Variants in ALPK1 observed in about 807,000 individuals in gnomAD.
ALPK1 encodes the protein alpha kinase 1, also known as alpha-protein kinase 1.
A neutral mutation model predicts 120.6 loss-of-function variants in ALPK1; 110 were observed. That is an observed-to-expected ratio of 0.91 (90% CI 0.78 to 1.07). The LOEUF is 1.07. ALPK1 is among the 50% of genes least tolerant of loss of function. The pLI, the probability that ALPK1 is intolerant of heterozygous loss-of-function variation, is 0.00. For missense variants in ALPK1, 1,498 were observed against 1,483.9 expected, an observed-to-expected ratio of 1.01 and a Z score of -0.16; for synonymous variants, 582 against 560.3, an observed-to-expected ratio of 1.04 and a Z score of -0.55.
intron 10 of ALPK1, among the ~76,000 whole-genome samples, chr4:112,430,113 G>T (rs776601409): frequency 2.0e-5 from 3 of 152,094 alleles, no homozygotes; most frequent in Non-Finnish European, 2.9e-5. Context: ...CATTTCCATG[G>T]ATAGACTCTG....
chr4:112,367,925 G>A (rs555024913), intron 2 of ALPK1, among the ~76,000 whole-genome samples: 95 of 151,644 alleles, frequency 6.3e-4, no homozygotes, highest in Admixed American at 1.4e-3. Flanking sequence ...TTTTGGAGAC[G>A]GAGTCTCACT....
intron 4 of ALPK1, 55 bp downstream of exon 4, chr4:112,382,607 C>T (rs1466482162): frequency 6.2e-7 from 1 of 1,612,378 alleles, no homozygotes; most frequent in South Asian, 1.1e-5. Context: ...GGCATTTAGA[C>T]TCTAAGTGGT....
rs1330046197 is a variant in ALPK1 at position 112,357,503 on chromosome 4, A to G, written c.-100-20175A>G. On this transcript the variant is annotated intron_variant, in intron 2 of 15. Coordinates refer to ENST00000650871, the MANE Select transcript of ALPK1 (RefSeq NM_025144.4). ...AGCTACTGGTGCTTCAGTCCTGGCC[A>G]CAGCATGCGCAAGCTGGTCTGTCAG... 8 of 800,820 alleles carry G rather than the reference A, an allele frequency of 1.0e-5. No individual in the cohort carries two copies. In the East Asian group the frequency reaches 2.0e-4, roughly 20 times the overall value. 49.6% of individuals were successfully genotyped at this position (800,820 alleles called of 1,614,324 possible). A position where few individuals can be genotyped will look rare whatever the true frequency, so the allele number is the denominator to read the frequency against.
chr4:112,312,780 A>G (rs1289771707), intron 1 of ALPK1, among the ~76,000 whole-genome samples: 1 of 152,246 alleles, frequency 6.6e-6, no homozygotes, highest in Non-Finnish European at 1.5e-5. Context: ...TGCAACAGAC[A>G]GGTTTCAGAA....
chr4:112,308,820 C>A (rs190003718), intron 1 of ALPK1, among the ~76,000 whole-genome samples: 1 of 152,168 alleles, frequency 6.6e-6, no homozygotes, highest in Non-Finnish European at 1.5e-5. Flanking sequence ...GGGGGAGGGG[C>A]GCTCTGATTT....
chr4:112,357,130 G>A (rs955537078), intron 2 of ALPK1: 10 of 1,316,090 alleles, frequency 7.6e-6, no homozygotes, highest in Non-Finnish European at 1.1e-5. Flanking sequence ...CTGTTGAGCT[G>A]CCTGGAGATG....
At chr4:112,398,112 G>A (rs937025702) in intron 4 of ALPK1, among the ~76,000 whole-genome samples, 2 of 152,142 alleles carry the variant, frequency 1.3e-5, no homozygotes, top group Admixed American at 6.5e-5. Flanking sequence ...GAGCCATGCG[G>A]ATATCTGAGG....
intron 4 of ALPK1, among the ~76,000 whole-genome samples, chr4:112,387,479 C>T (rs1732203996): frequency 6.6e-6 from 1 of 152,072 alleles, no homozygotes; most frequent in African/African-American, 2.4e-5. Context: ...GGTGCCCACT[C>T]ACGGAGATAC....
At chr4:112,410,744 T>C (rs1406530690) in intron 4 of ALPK1, among the ~76,000 whole-genome samples, 1 of 152,258 alleles carries the variant, frequency 6.6e-6, no homozygotes, top group Non-Finnish European at 1.5e-5. Flanking sequence ...GATGATGTTT[T>C]TTCATAAAAA....
intron 2 of ALPK1, among the ~76,000 whole-genome samples, chr4:112,325,429 T>G (rs1729070442): frequency 6.6e-6 from 1 of 152,228 alleles, no homozygotes. Flanking sequence ...CCTCTCAAGA[T>G]TCCCTTGCAG....
chr4:112,341,996 C>T (rs554365366), intron 2 of ALPK1, among the ~76,000 whole-genome samples: 1 of 152,256 alleles, frequency 6.6e-6, no homozygotes, highest in Admixed American at 6.5e-5. Context: ...AATTTGACTT[C>T]CTCTAGAAGC....
chr4:112,324,236 AGAAT>A (rs1729000813), intron 2 of ALPK1, among the ~76,000 whole-genome samples: 1 of 151,794 alleles, frequency 6.6e-6, no homozygotes, highest in Admixed American at 6.6e-5. Flanking sequence ...CTGAGGCAGG[AGAAT>A]GGCTTGAACC....
intron 11 of ALPK1, among the ~76,000 whole-genome samples, chr4:112,433,027 G>T (rs1032663200): frequency 6.6e-6 from 1 of 152,154 alleles, no homozygotes; most frequent in African/African-American, 2.4e-5. Flanking sequence ...CCAACCAACT[G>T]ATTTTTCTCT....
At chr4:112,305,324 T>C (rs1020534102) in intron 1 of ALPK1, among the ~76,000 whole-genome samples, 23 of 152,030 alleles carry the variant, frequency 1.5e-4, no homozygotes, top group African/African-American at 5.6e-4. Context: ...GCATTGAATC[T>C]ATAAATTACC....
chr4:112,325,611 C>T (rs994935889), intron 2 of ALPK1, among the ~76,000 whole-genome samples: 5 of 152,148 alleles, frequency 3.3e-5, no homozygotes, highest in Non-Finnish European at 5.9e-5. Flanking sequence ...ATAAAACTTA[C>T]GGGGCAATCG....
intron 1 of ALPK1, among the ~76,000 whole-genome samples, chr4:112,310,481 G>A (rs1728346748): frequency 6.6e-6 from 1 of 152,086 alleles, no homozygotes; most frequent in Non-Finnish European, 1.5e-5. Flanking sequence ...TTTTAAAGCA[G>A]GTTGTCCATA....
chr4:112,433,494 C>A (rs2148764509), intron 11 of ALPK1, among the ~76,000 whole-genome samples: 1 of 152,288 alleles, frequency 6.6e-6, no homozygotes, highest in Admixed American at 6.5e-5. Context: ...ATAAAAACTT[C>A]CAGACTACAG....
At chr4:112,408,465 ATGAC>A (rs1733297653) in intron 4 of ALPK1, among the ~76,000 whole-genome samples, 1 of 150,586 alleles carries the variant, frequency 6.6e-6, no homozygotes, top group African/African-American at 2.4e-5. Flanking sequence ...ATGAATGCCA[ATGAC>A]TGACTTTTTT....
intron 2 of ALPK1, among the ~76,000 whole-genome samples, chr4:112,328,650 G>T (rs779120776): frequency 1.3e-5 from 2 of 152,152 alleles, no homozygotes; most frequent in Non-Finnish European, 2.9e-5. Context: ...TAATACTTTT[G>T]TGTAATCTCT....
Sources: gnomAD v4.1 joint callset for allele counts (sites outside exome capture counted in the v4.1 genomes callset) on GRCh38, gnomAD v4.1.1 for gene constraint, MANE v1.5 for transcripts, NCBI Gene and HGNC (gene_info 2026-07-23, HGNC 2026-07-21) for gene names.